NDUFS4: variants seen among roughly 807,000 people sequenced by gnomAD.
The protein encoded by NDUFS4 is NADH:ubiquinone oxidoreductase subunit S4.
NDUFS4 carries 28 observed loss-of-function variants against 24.3 expected under a neutral mutation model. The ratio of observed to expected loss-of-function variants is 1.15; its 90% CI spans 0.85 to 1.58. NDUFS4 has a LOEUF of 1.58. Ranked by LOEUF, NDUFS4 falls within the 40% of genes most tolerant of loss-of-function variation. The pLI is 0.00. For missense variants in NDUFS4, 223 were observed against 207.9 expected (o/e 1.07, Z -0.45); for synonymous variants, 93 against 69.7 (o/e 1.34, Z -1.67).
intron 1 of NDUFS4, among the ~76,000 whole-genome samples, chr5:53,578,016 T>G (rs1749441341): frequency 6.6e-6 from 1 of 152,188 alleles, no homozygotes; most frequent in Non-Finnish European, 1.5e-5. Flanking sequence ...ACAGCTGCCT[T>G]TTAGTCTTGC....
chr5:53,641,938 A>G (rs1434405549), intron 2 of NDUFS4, among the ~76,000 whole-genome samples: 1 of 152,134 alleles, frequency 6.6e-6, no homozygotes, highest in African/African-American at 2.4e-5. Context: ...AGTTTCTATA[A>G]ACAGTATTTT....
chr5:53,580,771 TTCTC>T lies in NDUFS4; in HGVS notation c.98+20019_98+20022del, dbSNP rs746212044. On this transcript the variant is annotated intron_variant, in intron 1 of 4. Transcript: ENST00000296684. The stretch of plus-strand genomic sequence containing the variant: ...CCTTCCTTTCTCTTTCTTTCTTTCT[TTCTC>T]TCTCTCTTTCTTTCTCTTTCTCTCT... 8.2e-4 allele frequency among the ~76,000 whole-genome samples: 123 copies of T among 150,600 alleles called. No individual in the cohort carries two copies. In the South Asian group the frequency reaches 0.01, roughly 13 times the overall value.
intron 3 of NDUFS4, among the ~76,000 whole-genome samples, chr5:53,653,934 T>C (rs971490281): frequency 1.3e-5 from 2 of 152,142 alleles, no homozygotes; most frequent in Non-Finnish European, 2.9e-5. Context: ...ATGTACTGTC[T>C]CTTTAGTTGT....
rs1561383930 is a variant in NDUFS4 at position 53,646,344 on chromosome 5, T to C, written c.289T>C (p.Trp97Arg). 1 of 1,613,798 alleles carries C rather than the reference T, an allele frequency of 6.2e-7. No individual in the cohort carries two copies. The highest frequency in any genetic ancestry group is 8.5e-7 in the Non-Finnish European group (1 of 1,179,854). Residue 97 changes from tryptophan (W) to arginine (R), a missense_variant, in exon 3 of 5, where the codon TGG becomes CGG. By Grantham distance (101) the Trp-to-Arg change is moderately radical. Coordinates refer to ENST00000296684, the MANE Select transcript of NDUFS4 (RefSeq NM_002495.4). ...MQSGVNNTKKWKMEFDTRERW... is the reference protein window; with the variant it reads ...MQSGVNNTKKRKMEFDTRERW... ...GTCTGGAGTAAACAACACAAAGAAATGGAAGATGGAGTTTGATACCAGAGA... is the reference window on the plus strand; with the variant it reads ...GTCTGGAGTAAACAACACAAAGAAACGGAAGATGGAGTTTGATACCAGAGA...
At chr5:53,644,511 C>T (rs941805669) in intron 2 of NDUFS4, among the ~76,000 whole-genome samples, 7 of 152,086 alleles carry the variant, frequency 4.6e-5, no homozygotes, top group African/African-American at 1.7e-4. Context: ...ACATTGAGGA[C>T]TTCCCAGGAG....
At chr5:53,588,395 T>A (rs1229366699) in intron 1 of NDUFS4, among the ~76,000 whole-genome samples, 1 of 152,188 alleles carries the variant, frequency 6.6e-6, no homozygotes, top group Non-Finnish European at 1.5e-5. Flanking sequence ...ACTTAACTAG[T>A]TATTTAATTC....
At chr5:53,639,082 A>ACT (rs138198796) in intron 2 of NDUFS4, among the ~76,000 whole-genome samples, 1 of 151,694 alleles carries the variant, frequency 6.6e-6, no homozygotes, top group African/African-American at 2.4e-5. Context: ...GAATTAATTT[A>ACT]CTCTCTTTTT....
intron 4 of NDUFS4, among the ~76,000 whole-genome samples, chr5:53,679,281 G>A (rs1740574550): frequency 6.6e-6 from 1 of 152,140 alleles, no homozygotes; most frequent in Admixed American, 6.5e-5. Flanking sequence ...ACAATCATGA[G>A]TGGTCAGTGG....
chr5:53,648,671 T>A (rs567995997), intron 3 of NDUFS4, among the ~76,000 whole-genome samples: 178 of 152,306 alleles, frequency 1.2e-3, no homozygotes, highest in Admixed American at 2.7e-3. Flanking sequence ...TGTGGAGACA[T>A]TCCTGGTTGT....
In NDUFS4 at chr5:53,571,460, T is replaced by C. The variant is rs111359081; in HGVS notation, c.98+10700T>C. On this transcript the variant is annotated intron_variant, in intron 1 of 4. Coordinates refer to ENST00000296684, the MANE Select transcript of NDUFS4 (RefSeq NM_002495.4). ...GGGACATCTGGATTGTTTCTACCTTTTGGCTACATGAATAGTGTTCTGTGG... is the reference window on the plus strand; with the variant it reads ...GGGACATCTGGATTGTTTCTACCTTCTGGCTACATGAATAGTGTTCTGTGG... Among the ~76,000 whole-genome samples, 1,119 of 152,356 alleles carry C rather than the reference T, an allele frequency of 7.3e-3. 8 individuals carry two copies. Among genetic ancestry groups the C allele is most frequent in the Non-Finnish European group, 0.013 (883 of 68,030 alleles).
intron 4 of NDUFS4, among the ~76,000 whole-genome samples, chr5:53,667,238 G>A (rs2112533826): frequency 6.6e-6 from 1 of 152,200 alleles, no homozygotes; most frequent in South Asian, 2.1e-4. Context: ...GGCTGAGGTG[G>A]GCGGATCACC....
chr5:53,566,622 A>G (rs1749035748), intron 1 of NDUFS4, among the ~76,000 whole-genome samples: 1 of 152,148 alleles, frequency 6.6e-6, no homozygotes, highest in African/African-American at 2.4e-5. Context: ...AAGGACACCA[A>G]AATCCACGGA....
chr5:53,682,813 T>C (rs1036869340), intron 4 of NDUFS4, among the ~76,000 whole-genome samples: 1 of 152,014 alleles, frequency 6.6e-6, no homozygotes, highest in East Asian at 1.9e-4. Context: ...CCACATAGAG[T>C]AATGGAAATT....
chr5:53,654,458 G>C (rs1752108737), intron 3 of NDUFS4, among the ~76,000 whole-genome samples: 1 of 151,622 alleles, frequency 6.6e-6, no homozygotes, highest in African/African-American at 2.4e-5. Flanking sequence ...TCAGCTATTT[G>C]GCATTTCTTA....
Position 53,608,789 on chromosome 5 carries a change from A to G in NDUFS4, c.177+5259A>G, listed in dbSNP as rs192672125. On this transcript the variant is annotated intron_variant, in intron 2 of 4. Coordinates refer to ENST00000296684, the MANE Select transcript of NDUFS4 (RefSeq NM_002495.4). ...CTTTCTTTTTTGTTTTTGTTTTCCC[A>G]TATTGAATCAATATTTATTTCAGGA... 1.4e-4 allele frequency among the ~76,000 whole-genome samples: 21 copies of G among 152,332 alleles called. No homozygotes were observed. The East Asian group carries it at 4.0e-3, about 29-fold the overall frequency.
At chr5:53,628,232 G>A (rs536832245) in intron 2 of NDUFS4, among the ~76,000 whole-genome samples, 30 of 152,254 alleles carry the variant, frequency 2.0e-4, no homozygotes, top group African/African-American at 6.0e-4. Flanking sequence ...GGATGAAGCC[G>A]ACTTGATTGT....
intron 1 of NDUFS4, among the ~76,000 whole-genome samples, chr5:53,586,329 C>CA (rs539748080): frequency 0.19 from 13,414 of 69,460 alleles, 843 homozygotes; most frequent in Admixed American, 0.32. Context: ...AACTTCATCT[C>CA]AAAAAAAAAA....
At chr5:53,671,888 GTT>G (rs1740259475) in intron 4 of NDUFS4, among the ~76,000 whole-genome samples, 1 of 151,986 alleles carries the variant, frequency 6.6e-6, no homozygotes. Context: ...TACCCCCTGT[GTT>G]TTTCTCATTG....
At chr5:53,617,017 C>A (rs2112473212) in intron 2 of NDUFS4, among the ~76,000 whole-genome samples, 1 of 152,262 alleles carries the variant, frequency 6.6e-6, no homozygotes, top group Middle Eastern at 3.4e-3. Context: ...ACTCATCTCT[C>A]TAATTCTCCA....
Sources: gnomAD v4.1 joint callset for allele counts (sites outside exome capture counted in the v4.1 genomes callset) on GRCh38, gnomAD v4.1.1 for gene constraint, MANE v1.5 for transcripts, NCBI Gene and HGNC (gene_info 2026-07-23, HGNC 2026-07-21) for gene names.